Variants in TMEM74 observed in about 807,000 individuals in gnomAD.
TMEM74 encodes transmembrane protein 74.
TMEM74 carries 13 observed loss-of-function variants against 18.1 expected under a neutral mutation model. The ratio of observed to expected loss-of-function variants is 0.72; its 90% confidence interval spans 0.47 to 1.14. The LOEUF (loss-of-function observed/expected upper bound fraction) is 1.14, where lower values mean the gene tolerates loss of function less well. Ranked by LOEUF, TMEM74 falls within the 50% of genes most tolerant of loss-of-function variation. TMEM74 has a pLI of 0.00. For missense variants in TMEM74, 372 were observed against 375.9 expected (o/e 0.99, Z 0.09); for synonymous variants, 159 against 146.6 (o/e 1.08, Z -0.61).
intron 2 of TMEM74, among the ~76,000 whole-genome samples, chr8:108,652,164 A>AT (rs1385628532): frequency 6.6e-6 from 1 of 152,226 alleles, no homozygotes; most frequent in East Asian, 1.9e-4. Context: ...AAAATGCAAC[A>AT]ACAGGAAAAT....
chr8:108,703,643 C>T (rs1376461590), intron 1 of TMEM74, among the ~76,000 whole-genome samples: 1 of 152,194 alleles, frequency 6.6e-6, no homozygotes, highest in Non-Finnish European at 1.5e-5. Context: ...ATGCCTGTGG[C>T]TAGCCCTGAG....
rs886681690 is a variant in TMEM74, at chr8:108,661,632, G to A, written n.120-6195C>T. Among the ~76,000 whole-genome samples, 28 of 151,904 alleles carry A rather than the reference G, an allele frequency of 1.8e-4. 1 individual carries two copies. The highest frequency in any genetic ancestry group is 4.6e-4 in the African/African-American group (19 of 41,362). ...ATATGTCTATGAAACCATGTCTTACGGAGAAGACATTAAACCCTATTAACA... is the reference window on the plus strand; with the variant it reads ...ATATGTCTATGAAACCATGTCTTACAGAGAAGACATTAAACCCTATTAACA... On this transcript the variant is annotated intron_variant and non_coding_transcript_variant, in intron 1 of 3. Coordinates refer to the TMEM74 transcript ENST00000518838.
At chr8:108,690,828 AT>A (rs1315268076) in intron 1 of TMEM74, among the ~76,000 whole-genome samples, 10 of 152,108 alleles carry the variant, frequency 6.6e-5, no homozygotes, top group African/African-American at 2.4e-4. Context: ...CTCAAAAAAA[AT>A]AAAAAATAAT....
chr8:108,684,908 G>T (rs1813153359), intron 1 of TMEM74, among the ~76,000 whole-genome samples: 1 of 151,784 alleles, frequency 6.6e-6, no homozygotes, highest in Non-Finnish European at 1.5e-5. Context: ...AGATTGCTTT[G>T]TCTATTCAGG....
At position 108,676,840 on chromosome 8, in the gene TMEM74, C is replaced by T. The variant is rs544900456; in HGVS notation, n.120-21403G>A. On this transcript the variant is annotated intron_variant and non_coding_transcript_variant, in intron 1 of 3. Transcript: ENST00000518838. Reference sequence around the variant, plus strand: ...TGAATGAATGAATAAATAATGACTTCTTGTTTCTTCTGGCAGTCATCAGCA... The same window carrying T: ...TGAATGAATGAATAAATAATGACTTTTTGTTTCTTCTGGCAGTCATCAGCA... Among the ~76,000 whole-genome samples, 41 of 152,224 alleles carry T rather than the reference C, an allele frequency of 2.7e-4. No homozygotes were observed. The East Asian group carries it at 4.4e-3, about 16-fold the overall frequency.
At chr8:108,703,525 T>A (rs1258824769) in intron 1 of TMEM74, among the ~76,000 whole-genome samples, 1 of 152,082 alleles carries the variant, frequency 6.6e-6, no homozygotes, top group Non-Finnish European at 1.5e-5. Context: ...AAGAAGGGTG[T>A]AAAGATAAGA....
Position 108,703,179 on chromosome 8 carries a change from G to C in TMEM74, n.120-47742C>G, listed in dbSNP as rs1435033677. On this transcript the variant is annotated intron_variant and non_coding_transcript_variant, in intron 1 of 3. Transcript: ENST00000518838. Reference sequence around the variant, plus strand: ...TCAGTTTTGGAACAAAGCAATCAAGGCTACCCTTAAGGAAGTTCATATAGG... The same window carrying C: ...TCAGTTTTGGAACAAAGCAATCAAGCCTACCCTTAAGGAAGTTCATATAGG... 2.0e-5 allele frequency among the ~76,000 whole-genome samples: 3 copies of C among 152,098 alleles called. No individual in the cohort carries two copies. In the East Asian group the frequency reaches 5.8e-4, roughly 29 times the overall value.
At chr8:108,657,408 G>C (rs770160424) in intron 1 of TMEM74, among the ~76,000 whole-genome samples, 27 of 151,934 alleles carry the variant, frequency 1.8e-4, no homozygotes, top group Non-Finnish European at 3.4e-4. Context: ...ACAAGTTTGG[G>C]TATTGGCCAA....
chr8:108,752,935 A>G (rs73311967), intron 1 of TMEM74, among the ~76,000 whole-genome samples: 4,300 of 152,180 alleles, frequency 0.028, 208 homozygotes, highest in African/African-American at 0.095. Flanking sequence ...TAAAAGGAGG[A>G]GACATTAGTG....
At chr8:108,672,500 G>A (rs1217841389) in intron 1 of TMEM74, among the ~76,000 whole-genome samples, 1 of 152,128 alleles carries the variant, frequency 6.6e-6, no homozygotes, top group African/African-American at 2.4e-5. Context: ...CCCTACTTAG[G>A]ACTATGTTGT....
intron 2 of TMEM74, among the ~76,000 whole-genome samples, chr8:108,635,272 A>ATT (rs200578586): frequency 1.4e-5 from 2 of 147,758 alleles, no homozygotes; most frequent in South Asian, 4.3e-4. Context: ...GTCTTAGCGC[A>ATT]TTTTTTTTTT....
intron 1 of TMEM74, among the ~76,000 whole-genome samples, chr8:108,681,292 C>A (rs1241858444): frequency 6.6e-6 from 1 of 152,144 alleles, no homozygotes; most frequent in Non-Finnish European, 1.5e-5. Context: ...GTAACCAAAA[C>A]AGCATGGTAC....
At chr8:108,670,390 T>G (rs923962353) in intron 1 of TMEM74, among the ~76,000 whole-genome samples, 2 of 152,214 alleles carry the variant, frequency 1.3e-5, no homozygotes, top group African/African-American at 4.8e-5. Context: ...TGTCTTAGTT[T>G]AATCCAGTAT....
intron 1 of TMEM74, among the ~76,000 whole-genome samples, chr8:108,685,853 G>C (rs1229398598): frequency 6.6e-6 from 1 of 152,024 alleles, no homozygotes; most frequent in Non-Finnish European, 1.5e-5. Context: ...AAAAATGAAA[G>C]AGAAAATAAT....
downstream of TMEM74, among the ~76,000 whole-genome samples, chr8:108,778,037 C>A (rs1039020514): frequency 6.6e-6 from 1 of 151,902 alleles, no homozygotes; most frequent in African/African-American, 2.4e-5. Context: ...TCTCTGGAGA[C>A]CTTTAGCATT....
intron 1 of TMEM74, among the ~76,000 whole-genome samples, chr8:108,748,727 G>T (rs565541489): frequency 2.7e-5 from 4 of 149,796 alleles, no homozygotes; most frequent in African/African-American, 7.3e-5. Context: ...TATAGTTTTG[G>T]GTTTTACGTT....
At position 108,645,692 on chromosome 8, in the gene TMEM74, C is replaced by T. The variant is rs547995546; in HGVS notation, n.264+9601G>A. On this transcript the variant is annotated intron_variant and non_coding_transcript_variant, in intron 2 of 3. Coordinates refer to the TMEM74 transcript ENST00000518838. ...CCCAGCCTTGCCTGTCATTCCCTTA[C>T]CCAAAACATGGAGCACAGACACAAC... 3.1e-4 allele frequency among the ~76,000 whole-genome samples: 47 copies of T among 152,184 alleles called. 1 individual carries two copies. The highest frequency in any genetic ancestry group is 5.0e-4 in the Non-Finnish European group (34 of 68,010).
intron 1 of TMEM74, among the ~76,000 whole-genome samples, chr8:108,763,295 T>C (rs941058260): frequency 2.3e-5 from 3 of 129,448 alleles, no homozygotes; most frequent in African/African-American, 1.0e-4. Context: ...CCCAAGGAGG[T>C]AAAGGCAAAG....
chr8:108,616,148 T>C (rs980173800), intron 2 of TMEM74, among the ~76,000 whole-genome samples: 2 of 152,112 alleles, frequency 1.3e-5, no homozygotes, highest in Non-Finnish European at 2.9e-5. Context: ...TCAGCTGAGA[T>C]GATCTTCCAA....
Sources: gnomAD v4.1 joint callset for allele counts (sites outside exome capture counted in the v4.1 genomes callset) on GRCh38, gnomAD v4.1.1 for gene constraint, MANE v1.5 for transcripts, NCBI Gene and HGNC (gene_info 2026-07-23, HGNC 2026-07-21) for gene names.